CSF2RA: variants seen among roughly 807,000 people sequenced by gnomAD.
The protein encoded by CSF2RA is granulocyte-macrophage colony-stimulating factor receptor subunit alpha.
In CSF2RA, 42 loss-of-function variants were observed where a neutral mutation model predicts 51.6. The observed-to-expected ratio is 0.81, with a 90% confidence interval of 0.64 to 1.05. CSF2RA has a LOEUF of 1.05. CSF2RA is among the 50% of genes least tolerant of loss of function. The pLI is 0.00. For synonymous variants in CSF2RA, 222 were observed against 193.0 expected, an observed-to-expected ratio of 1.15 and a Z score of -1.24; for missense variants, 530 against 501.1, an observed-to-expected ratio of 1.06 and a Z score of -0.55.
At chrX:1,283,469 CCTCCCTCTCT>C (rs1305946440) in intron 3 of CSF2RA, among the ~76,000 whole-genome samples, 6 of 132,374 alleles carry the variant, frequency 4.5e-5, no homozygotes, top group Non-Finnish European at 8.3e-5. Flanking sequence ...TCCCTCCCTC[CCTCCCTCTCT>C]CTCTCTCTTT....
chrX:1,292,200 G>A (rs759542009), intron 7 of CSF2RA, among the ~76,000 whole-genome samples: 1 of 152,254 alleles, frequency 6.6e-6, no homozygotes, highest in South Asian at 2.1e-4. Context: ...TGGACCCAGT[G>A]TAGACAAAGA....
intron 12 of CSF2RA, among the ~76,000 whole-genome samples, chrX:1,307,302 A>G (rs1301791059): frequency 6.6e-6 from 1 of 151,788 alleles, no homozygotes; most frequent in African/African-American, 2.4e-5. Flanking sequence ...GACCAGGCCC[A>G]CTCTTCTCCT....
intron 7 of CSF2RA, 43 bp from the exon 8 acceptor site, chrX:1,294,285 G>C: frequency 6.2e-7 from 1 of 1,612,008 alleles, no homozygotes; most frequent in East Asian, 2.2e-5. Flanking sequence ...AGTGTAGACA[G>C]GACCTCTCGG....
At chrX:1,277,081 A>T (rs1352089681) in intron 2 of CSF2RA, among the ~76,000 whole-genome samples, 1 of 151,840 alleles carries the variant, frequency 6.6e-6, no homozygotes, top group Non-Finnish European at 1.5e-5. Flanking sequence ...CCTGGGAGAC[A>T]GAGCGAGGCT....
the CSF2RA span, among the ~76,000 whole-genome samples, chrX:1,322,433 GTGTT>G: frequency 9.4e-6 from 1 of 105,928 alleles, no homozygotes; most frequent in African/African-American, 3.8e-5. Context: ...TTAACTGTGT[GTGTT>G]TGTTTTTTTT....
chrX:1,288,848 C>G lies in CSF2RA; in HGVS notation c.433C>G (p.Pro145Ala). 1.2e-6 allele frequency: 2 copies of G among 1,613,968 alleles called. No homozygotes were observed. The highest frequency in any genetic ancestry group is 1.7e-6 in the Non-Finnish European group (2 of 1,179,872). Residue 145 changes from proline to alanine, a missense_variant, in exon 6 of 13, where the codon CCC becomes GCC. Coordinates refer to ENST00000381529, the MANE Select transcript of CSF2RA (RefSeq NM_172245.4). The stretch of plus-strand genomic sequence containing the variant: ...TACCTGGGCGAGGGGTCCGACGGCC[C>G]CCCGTGACGTCCAGTATTTTTTGTA... ...NCTWARGPTA[P>A]RDVQYFLYIR...
chrX:1,281,204 A>C (rs188037683), intron 2 of CSF2RA, among the ~76,000 whole-genome samples: 2,729 of 24,522 alleles, frequency 0.11, no homozygotes, highest in African/African-American at 0.12. Flanking sequence ...TCCTTCTCCT[A>C]CTCCTCCTTC....
At chrX:1,324,158 C>T in the CSF2RA span, among the ~76,000 whole-genome samples, 1 of 151,548 alleles carries the variant, frequency 6.6e-6, no homozygotes, top group Non-Finnish European at 1.5e-5. Flanking sequence ...GCACTCCAGC[C>T]TGGGTGACAG....
At chrX:1,313,300 G>T (rs1228940838), downstream of CSF2RA, among the ~76,000 whole-genome samples, 1 of 151,940 alleles carries the variant, frequency 6.6e-6, no homozygotes, top group Non-Finnish European at 1.5e-5. Context: ...TGGGTGTGGT[G>T]GCACACGCCT....
At chrX:1,317,246 CTTTTTTTT>C in the CSF2RA span, among the ~76,000 whole-genome samples, 2 of 57,836 alleles carry the variant, frequency 3.5e-5, no homozygotes, top group Non-Finnish European at 5.8e-5. Context: ...CCACGCTCAG[CTTTTTTTT>C]TTTTTTTTTT....
rs1453705610 is a variant in CSF2RA, at chrX:1,288,431, G to A, written c.220-88G>A. On this transcript the variant is annotated intron_variant, in intron 4 of 12. Coordinates refer to ENST00000381529, the MANE Select transcript of CSF2RA (RefSeq NM_172245.4). The stretch of plus-strand genomic sequence containing the variant: ...TGGAAGGCGGAGGTTGTAGTGAGCC[G>A]AGATCACGCCACTGCACTCCAGCCT... The A allele has an allele frequency of 2.1e-5, 31 of 1,504,578 alleles. 1 individual carries two copies. Among genetic ancestry groups the A allele is most frequent in the South Asian group, 6.8e-5 (6 of 88,856 alleles). The allele number at this position is 1,504,578 out of a possible 1,614,324, so 93.2% of individuals were successfully genotyped here.
In CSF2RA at chrX:1,296,048, C is replaced by T. The variant is rs769397538; in HGVS notation, c.810+592C>T. On this transcript the variant is annotated intron_variant, in intron 9 of 12. Transcript: ENST00000381529. ...ACAGTTCCCTATTCATGACCCCTAG[C>T]GTAACCATACAGTCCCCTACCCATG... 2.3e-4 allele frequency among the ~76,000 whole-genome samples: 34 copies of T among 148,460 alleles called. No homozygotes were observed. In the East Asian group the frequency reaches 6.7e-3, roughly 29 times the overall value.
the CSF2RA span, among the ~76,000 whole-genome samples, chrX:1,317,022 C>T: frequency 2.0e-5 from 3 of 152,104 alleles, no homozygotes; most frequent in African/African-American, 7.2e-5. Context: ...TCTCGGCTCA[C>T]TGCAAGCTCC....
Position 1,288,506 on chromosome X carries a change from T to C in CSF2RA, c.220-13T>C. The C allele has an allele frequency of 6.2e-7, 1 of 1,613,950 alleles. No individual in the cohort carries two copies. The highest frequency in any genetic ancestry group is 8.5e-7 in the Non-Finnish European group (1 of 1,179,856). On this transcript the variant is annotated splice_polypyrimidine_tract_variant and intron_variant, in intron 4 of 12. Coordinates refer to ENST00000381529, the MANE Select transcript of CSF2RA (RefSeq NM_172245.4). ...TGTTTCCTAATCGGCTCTGTCTGGTTGCAATTCTTCAGCTCAGTAACAACG... is the reference window on the plus strand; with the variant it reads ...TGTTTCCTAATCGGCTCTGTCTGGTCGCAATTCTTCAGCTCAGTAACAACG...
At chrX:1,323,930 C>G in the CSF2RA span, among the ~76,000 whole-genome samples, 1 of 151,874 alleles carries the variant, frequency 6.6e-6, no homozygotes, top group African/African-American at 2.4e-5. Flanking sequence ...AGGAGAATGG[C>G]GTGAACCCGG....
chrX:1,300,930 G>A (rs1286035268), intron 10 of CSF2RA, among the ~76,000 whole-genome samples: 1 of 151,834 alleles, frequency 6.6e-6, no homozygotes, highest in Non-Finnish European at 1.5e-5. Context: ...GAGGCCGGCG[G>A]ATCACCGGAG....
At chrX:1,292,339 G>A (rs1382314385) in intron 7 of CSF2RA, among the ~76,000 whole-genome samples, 1 of 152,186 alleles carries the variant, frequency 6.6e-6, no homozygotes, top group African/African-American at 2.4e-5. Flanking sequence ...CAGGTGGGAC[G>A]AGAGACTGAG....
chrX:1,314,283 ACTGCATCTGCCCAACCACT>A (rs2084334724), downstream of CSF2RA, among the ~76,000 whole-genome samples: 5 of 54,066 alleles, frequency 9.2e-5, no homozygotes, highest in East Asian at 9.1e-4. Context: ...GCCCAACCCC[ACTGCATCTGCCCAACCACT>A]CTGTGCCTGC....
intron 1 of CSF2RA, among the ~76,000 whole-genome samples, chrX:1,269,830 G>A (rs1603412882): frequency 6.6e-6 from 1 of 151,844 alleles, no homozygotes; most frequent in Non-Finnish European, 1.5e-5. Flanking sequence ...AAGGGGGGCC[G>A]GGCACGGTGG....
Sources: gnomAD v4.1 joint callset for allele counts (sites outside exome capture counted in the v4.1 genomes callset) on GRCh38, gnomAD v4.1.1 for gene constraint, MANE v1.5 for transcripts, NCBI Gene and HGNC (gene_info 2026-07-23, HGNC 2026-07-21) for gene names.